Variants in GRAMD2B observed in about 807,000 individuals in gnomAD.
GRAMD2B encodes the protein GRAM domain-containing protein 2B.
GRAMD2B carries 41 observed loss-of-function variants against 59.2 expected under a neutral mutation model. The observed-to-expected ratio is 0.69, with a 90% CI of 0.54 to 0.90. GRAMD2B has a LOEUF of 0.90. Ranked by LOEUF, GRAMD2B falls within the 40% of genes least tolerant of loss-of-function variation. GRAMD2B has a pLI of 0.00. For synonymous variants in GRAMD2B, 161 were observed against 182.7 expected (o/e 0.88, Z 0.96); for missense variants, 424 against 500.5 (o/e 0.85, Z 1.46).
chr5:126,472,010 T>C (rs976012525), intron 3 of GRAMD2B, among the ~76,000 whole-genome samples: 1 of 152,230 alleles, frequency 6.6e-6, no homozygotes. Flanking sequence ...GACCAGCAGC[T>C]GCATCATTAT....
At chr5:126,392,648 A>G (rs999255074) in intron 1 of GRAMD2B, among the ~76,000 whole-genome samples, 6 of 151,182 alleles carry the variant, frequency 4.0e-5, no homozygotes, top group Non-Finnish European at 7.4e-5. Flanking sequence ...GGGGAAAACA[A>G]TTTTTCTTCC....
chr5:126,387,783 A>C (rs1412392703), intron 1 of GRAMD2B, among the ~76,000 whole-genome samples: 1 of 152,106 alleles, frequency 6.6e-6, no homozygotes, highest in African/African-American at 2.4e-5. Flanking sequence ...CTATATATAC[A>C]CATAAATTTA....
chr5:126,420,171 C>T (rs1221590216), upstream of GRAMD2B, among the ~76,000 whole-genome samples: 2 of 151,414 alleles, frequency 1.3e-5, no homozygotes, highest in Admixed American at 1.3e-4. Context: ...CTTATTGGTA[C>T]AATATCAAAG....
chr5:126,431,779 A>G (rs1357824144), intron 1 of GRAMD2B, among the ~76,000 whole-genome samples: 2 of 152,086 alleles, frequency 1.3e-5, no homozygotes, highest in African/African-American at 4.8e-5. Flanking sequence ...GAAAGAAAAA[A>G]AATTGGCTAA....
intron 1 of GRAMD2B, among the ~76,000 whole-genome samples, chr5:126,460,135 TA>T (rs539786700): frequency 6.6e-6 from 1 of 151,016 alleles, no homozygotes. Flanking sequence ...TAAAATAAGT[TA>T]AAAAAAAAGC....
At chr5:126,476,751 G>C (rs1187272678) in intron 5 of GRAMD2B, among the ~76,000 whole-genome samples, 1 of 152,120 alleles carries the variant, frequency 6.6e-6, no homozygotes, top group African/African-American at 2.4e-5. Context: ...AGTTACTGTT[G>C]TTGTTATTCT....
chr5:126,376,245 G>A (rs1755174130), intron 1 of GRAMD2B, among the ~76,000 whole-genome samples: 2 of 152,182 alleles, frequency 1.3e-5, no homozygotes, highest in African/African-American at 4.8e-5. Context: ...CCCAAGATGG[G>A]AACTGAAGAG....
intron 1 of GRAMD2B, among the ~76,000 whole-genome samples, chr5:126,407,935 G>C (rs921732577): frequency 2.0e-5 from 3 of 151,828 alleles, no homozygotes; most frequent in African/African-American, 7.3e-5. Flanking sequence ...GTTTTAACGA[G>C]TATCTTTTTA....
At chr5:126,450,147 T>C (rs1765071229) in intron 1 of GRAMD2B, among the ~76,000 whole-genome samples, 1 of 152,068 alleles carries the variant, frequency 6.6e-6, no homozygotes, top group African/African-American at 2.4e-5. Flanking sequence ...TTATCGTAGA[T>C]GCCAGAGTGG....
exon 1 of GRAMD2B, chr5:126,371,330 C>T: frequency 8.8e-7 from 1 of 1,136,782 alleles, no homozygotes; most frequent in Non-Finnish European, 1.1e-6. Context: ...GAAAGAGCTT[C>T]CTGCAATTCA....
At chr5:126,416,178 C>G (rs1434879395) in intron 1 of GRAMD2B, among the ~76,000 whole-genome samples, 1 of 152,154 alleles carries the variant, frequency 6.6e-6, no homozygotes, top group African/African-American at 2.4e-5. Context: ...CTTGGACTTG[C>G]TCCGGGTCTA....
At chr5:126,475,658 T>C (rs1234860588) in intron 5 of GRAMD2B, among the ~76,000 whole-genome samples, 1 of 152,158 alleles carries the variant, frequency 6.6e-6, no homozygotes, top group Admixed American at 6.5e-5. Context: ...TGAATGCAAA[T>C]ATTCAAAATT....
At chr5:126,406,762 G>A (rs983218660) in intron 1 of GRAMD2B, among the ~76,000 whole-genome samples, 4 of 151,924 alleles carry the variant, frequency 2.6e-5, no homozygotes, top group African/African-American at 4.8e-5. Context: ...GCAGCCTTTA[G>A]GTTTTTACTG....
At chr5:126,372,422 TA>T (rs1478891738) in intron 1 of GRAMD2B, among the ~76,000 whole-genome samples, 5 of 152,208 alleles carry the variant, frequency 3.3e-5, no homozygotes, top group Admixed American at 3.3e-4. Context: ...TTTTCTTTTT[TA>T]AATGGTTTTA....
intron 1 of GRAMD2B, among the ~76,000 whole-genome samples, chr5:126,440,428 C>A (rs1464757345): frequency 6.6e-6 from 1 of 152,136 alleles, no homozygotes; most frequent in East Asian, 1.9e-4. Flanking sequence ...AAGATAGACC[C>A]ATAGCTTATC....
chr5:126,478,734 C>A (rs1003354513), intron 6 of GRAMD2B, among the ~76,000 whole-genome samples: 3 of 152,104 alleles, frequency 2.0e-5, no homozygotes, highest in Non-Finnish European at 2.9e-5. Flanking sequence ...CAAAGCGAGA[C>A]CCTGTCTCAA....
At chr5:126,469,004 G>A (rs1246259916) in intron 2 of GRAMD2B, among the ~76,000 whole-genome samples, 2 of 152,148 alleles carry the variant, frequency 1.3e-5, no homozygotes, top group African/African-American at 4.8e-5. Context: ...TTATATATTA[G>A]TGGAATTCTG....
chr5:126,381,870 T>A (rs1755688348), intron 1 of GRAMD2B, among the ~76,000 whole-genome samples: 1 of 152,200 alleles, frequency 6.6e-6, no homozygotes, highest in South Asian at 2.1e-4. Context: ...CTTTAGCTGC[T>A]CTTGTAGTGT....
In GRAMD2B at chr5:126,473,325, A is replaced by C. The variant is rs960843065; in HGVS notation, c.443A>C (p.Asn148Thr). Residue 148 changes from asparagine to threonine, a missense_variant, in exon 5 of 14, where the codon AAC becomes ACC. By Grantham distance (65) the Asn-to-Thr change is moderately conservative. Coordinates refer to ENST00000285689, the MANE Select transcript of GRAMD2B (RefSeq NM_023927.4). Reference sequence around the variant, plus strand: ...CAAGGAAAGCTCTTTGTATCAGAAAACTGGATTTGTTTTCATTCCAAAGTC... The same window carrying C: ...CAAGGAAAGCTCTTTGTATCAGAAACCTGGATTTGTTTTCATTCCAAAGTC... ...LYQGKLFVSE[N>T]WICFHSKVFG... The C allele has an allele frequency of 6.5e-7, 1 of 1,543,944 alleles. No individual in the cohort carries two copies. The highest frequency in any genetic ancestry group is 8.8e-7 in the Non-Finnish European group (1 of 1,141,922).
Sources: gnomAD v4.1 joint callset for allele counts (sites outside exome capture counted in the v4.1 genomes callset) on GRCh38, gnomAD v4.1.1 for gene constraint, MANE v1.5 for transcripts, NCBI Gene and HGNC (gene_info 2026-07-23, HGNC 2026-07-21) for gene names.